The following WDFY1 variants were observed in gnomAD, a reference collection of about 807,000 sequenced individuals.
WDFY1 encodes the protein WD repeat and FYVE domain-containing protein 1.
A neutral mutation model predicts 56.4 loss-of-function variants in WDFY1; 32 were observed. That is an observed-to-expected ratio of 0.57 (90% confidence interval 0.43 to 0.76). The LOEUF (loss-of-function observed/expected upper bound fraction) is 0.76, where lower values mean the gene tolerates loss of function less well. Ranked by LOEUF, WDFY1 falls within the 30% of genes least tolerant of loss-of-function variation. The pLI, the probability that WDFY1 is intolerant of heterozygous loss-of-function variation, is 0.00. For synonymous variants in WDFY1, 192 were observed against 197.3 expected (o/e 0.97, Z 0.23); for missense variants, 480 against 545.7 (o/e 0.88, Z 1.20).
chr2:223,896,228 G>A (rs1250698396), intron 6 of WDFY1, among the ~76,000 whole-genome samples: 1 of 135,260 alleles, frequency 7.4e-6, no homozygotes, highest in Non-Finnish European at 1.6e-5. Context: ...TCGTTCTTCT[G>A]TGACAAAAAT....
chr2:223,892,422 A>G (rs1029914345), intron 8 of WDFY1, among the ~76,000 whole-genome samples: 1 of 152,240 alleles, frequency 6.6e-6, no homozygotes, highest in East Asian at 1.9e-4. Context: ...TTACAAAGTT[A>G]CCAAAAAATC....
intron 1 of WDFY1, among the ~76,000 whole-genome samples, chr2:223,935,694 G>C (rs1278281106): frequency 6.6e-6 from 1 of 152,210 alleles, no homozygotes; most frequent in African/African-American, 2.4e-5. Context: ...GGGAAGATAA[G>C]ATGAATAAAC....
intron 1 of WDFY1, among the ~76,000 whole-genome samples, chr2:223,933,647 C>CTG (rs1342840691): frequency 5.9e-5 from 9 of 151,938 alleles, no homozygotes; most frequent in Admixed American, 1.3e-4. Flanking sequence ...TACCAATACC[C>CTG]TGTCTCTACA....
chr2:223,937,374 G>A (rs998573905), intron 1 of WDFY1, among the ~76,000 whole-genome samples: 4 of 152,192 alleles, frequency 2.6e-5, no homozygotes, highest in African/African-American at 9.7e-5. Context: ...GCTAACACTT[G>A]TATAGTGCTT....
At chr2:223,891,028 C>A (rs1693265703) in intron 8 of WDFY1, among the ~76,000 whole-genome samples, 1 of 152,052 alleles carries the variant, frequency 6.6e-6, no homozygotes, top group African/African-American at 2.4e-5. Flanking sequence ...GCAAGCATTG[C>A]AGAGCTAGAG....
At chr2:223,943,817 A>G (rs1214864656) in intron 1 of WDFY1, among the ~76,000 whole-genome samples, 2 of 152,190 alleles carry the variant, frequency 1.3e-5, no homozygotes, top group Admixed American at 6.6e-5. Context: ...CGGCTTCACC[A>G]GTATCTCTGT....
chr2:223,921,448 A>G (rs1203583386), intron 1 of WDFY1, among the ~76,000 whole-genome samples: 1 of 152,168 alleles, frequency 6.6e-6, no homozygotes, highest in Non-Finnish European at 1.5e-5. Flanking sequence ...TTCTACAAAT[A>G]ATTTGCAAGG....
chr2:223,884,822 A>G, intron 8 of WDFY1, 73 bp from the exon 9 acceptor site: 1 of 1,356,194 alleles, frequency 7.4e-7, no homozygotes, highest in South Asian at 1.2e-5. Flanking sequence ...TTAATACAAC[A>G]GTTCTAGACC....
intron 1 of WDFY1, among the ~76,000 whole-genome samples, chr2:223,944,629 G>A (rs1030319072): frequency 1.3e-5 from 2 of 151,602 alleles, no homozygotes; most frequent in African/African-American, 4.9e-5. Flanking sequence ...GGGCTGGAGG[G>A]GCGCAGTGGG....
intron 1 of WDFY1, among the ~76,000 whole-genome samples, chr2:223,927,589 A>G (rs1694005831): frequency 6.6e-6 from 1 of 152,184 alleles, no homozygotes; most frequent in South Asian, 2.1e-4. Flanking sequence ...GGCTGGTCTG[A>G]TCTTCTATTC....
intron 1 of WDFY1, among the ~76,000 whole-genome samples, chr2:223,934,230 A>G (rs1401916708): frequency 3.3e-5 from 5 of 151,850 alleles, no homozygotes; most frequent in Non-Finnish European, 7.4e-5. Context: ...CTGGGACTAC[A>G]GGCGCACAAC....
intron 5 of WDFY1, chr2:223,900,956 T>C (rs978677958): frequency 4.2e-6 from 2 of 475,136 alleles, no homozygotes; most frequent in African/African-American, 4.0e-5. Flanking sequence ...ACAGCAAACT[T>C]ACGGAAGTTC....
At chr2:223,893,911 G>A (rs998556347) in intron 8 of WDFY1, among the ~76,000 whole-genome samples, 1 of 152,168 alleles carries the variant, frequency 6.6e-6, no homozygotes, top group East Asian at 1.9e-4. Context: ...ATGGTGCTTC[G>A]GAGGACCTCT....
intron 1 of WDFY1, among the ~76,000 whole-genome samples, chr2:223,929,196 T>TTTTTTG (rs1694036402): frequency 1.9e-5 from 1 of 52,732 alleles, no homozygotes; most frequent in African/African-American, 8.5e-5. Flanking sequence ...TTTGTTTTTT[T>TTTTTTG]TTTTTTTTGA....
At chr2:223,932,262 A>G (rs896789228) in intron 1 of WDFY1, among the ~76,000 whole-genome samples, 1 of 151,612 alleles carries the variant, frequency 6.6e-6, no homozygotes, top group African/African-American at 2.4e-5. Flanking sequence ...AGCTGGGACT[A>G]CAGGTGCCTG....
chr2:223,899,607 G>A (rs1280155472), intron 5 of WDFY1, among the ~76,000 whole-genome samples: 5 of 152,174 alleles, frequency 3.3e-5, no homozygotes, highest in African/African-American at 2.4e-5. Flanking sequence ...TTAGCTGGGC[G>A]TGGTGGCACA....
intron 4 of WDFY1, among the ~76,000 whole-genome samples, chr2:223,905,436 C>T (rs1367159812): frequency 6.6e-6 from 1 of 152,128 alleles, no homozygotes; most frequent in Non-Finnish European, 1.5e-5. Flanking sequence ...GGGAGGGTCA[C>T]TTAAGGTCAG....
intron 8 of WDFY1, among the ~76,000 whole-genome samples, chr2:223,892,120 A>C (rs921829398): frequency 6.6e-6 from 1 of 151,972 alleles, no homozygotes; most frequent in Non-Finnish European, 1.5e-5. Flanking sequence ...GATTATAGGC[A>C]CCTGCCACCA....
intron 5 of WDFY1, 143 bp downstream of exon 5, chr2:223,901,040 A>C: frequency 1.6e-6 from 1 of 628,384 alleles, no homozygotes; most frequent in Non-Finnish European, 2.1e-6. Flanking sequence ...TTCCATGGTA[A>C]AAAAAAAAAT....
Sources: allele counts gnomAD v4.1 joint callset (sites outside exome capture counted in the v4.1 genomes callset), GRCh38; gene constraint gnomAD v4.1.1; transcripts MANE v1.5; gene names NCBI Gene and HGNC (gene_info 2026-07-23, HGNC 2026-07-21).